NOL4: variants seen among roughly 807,000 people sequenced by gnomAD.
NOL4 encodes nucleolar protein 4, also known as cancer/testis antigen 125.
NOL4 carries 17 observed loss-of-function variants against 75.9 expected under a neutral mutation model. The observed-to-expected ratio is 0.22, with a 90% confidence interval of 0.15 to 0.34. The LOEUF (loss-of-function observed/expected upper bound fraction) is 0.34. Among genes scored for constraint, NOL4 ranks in the 10% least tolerant of loss-of-function variants. The probability of loss-of-function intolerance (pLI) is 1.00; values close to 1 mark genes in which losing one functional copy is unlikely to be tolerated. For synonymous variants in NOL4, 292 were observed against 289.9 expected (o/e 1.01, Z -0.07); for missense variants, 614 against 793.5 (o/e 0.77, Z 2.72).
chr18:34,008,351 A>G (rs1313547293), intron 6 of NOL4, among the ~76,000 whole-genome samples: 2 of 145,858 alleles, frequency 1.4e-5, no homozygotes, highest in Non-Finnish European at 3.0e-5. Flanking sequence ...CCTTCATAAC[A>G]TATCACTTTC....
chr18:34,110,723 G>A (rs1375985287), intron 2 of NOL4, among the ~76,000 whole-genome samples: 1 of 151,890 alleles, frequency 6.6e-6, no homozygotes, highest in Non-Finnish European at 1.5e-5. Flanking sequence ...ATCTAAACTT[G>A]AAAGAAAGAA....
At chr18:34,122,375 AG>A (rs1381869314) in intron 2 of NOL4, among the ~76,000 whole-genome samples, 1 of 152,084 alleles carries the variant, frequency 6.6e-6, no homozygotes, top group Non-Finnish European at 1.5e-5. Flanking sequence ...TGTTATCCAT[AG>A]GTCACTAAGG....
chr18:33,889,326 G>C (rs1431776162), intron 9 of NOL4, among the ~76,000 whole-genome samples: 1 of 152,084 alleles, frequency 6.6e-6, no homozygotes, highest in Non-Finnish European at 1.5e-5. Flanking sequence ...CCAGGAAGAA[G>C]TTGAATCTCT....
chr18:34,170,863 A>C (rs1468001554), intron 1 of NOL4, among the ~76,000 whole-genome samples: 1 of 152,182 alleles, frequency 6.6e-6, no homozygotes, highest in Non-Finnish European at 1.5e-5. Context: ...CCTATAATAG[A>C]CCAAGATGTT....
chr18:33,929,087 G>A (rs892805667), intron 9 of NOL4, among the ~76,000 whole-genome samples: 2 of 152,098 alleles, frequency 1.3e-5, no homozygotes, highest in Admixed American at 1.3e-4. Context: ...CCCATTGTCT[G>A]TTTGCTTCTG....
At chr18:33,904,823 G>A (rs1448079275) in intron 9 of NOL4, among the ~76,000 whole-genome samples, 1 of 152,126 alleles carries the variant, frequency 6.6e-6, no homozygotes, top group Non-Finnish European at 1.5e-5. Context: ...AGATTCTGTA[G>A]TTAACACCCA....
Position 34,195,922 on chromosome 18 carries a change from T to C in NOL4, c.264+27068A>G, listed in dbSNP as rs181406771. ...TCTCCCAGTAGATAAAGAATTCATT[T>C]TTCTGTTCTTCAGGGTAACCTTTCT... is the stretch of plus-strand genomic sequence containing the variant. On this transcript the variant is annotated intron_variant, in intron 1 of 10. Transcript: ENST00000261592. Among the ~76,000 whole-genome samples the C allele has an allele frequency of 7.2e-5, 11 of 152,260 alleles. No individual in the cohort carries two copies. In the East Asian group the frequency reaches 2.1e-3, roughly 29 times the overall value.
chr18:34,205,007 C>T (rs1193216979), intron 1 of NOL4, among the ~76,000 whole-genome samples: 1 of 152,036 alleles, frequency 6.6e-6, no homozygotes, highest in Non-Finnish European at 1.5e-5. Flanking sequence ...CTATGTGTAT[C>T]CTAGTCCTTT....
intron 9 of NOL4, among the ~76,000 whole-genome samples, chr18:33,938,984 T>C (rs2145516777): frequency 6.6e-6 from 1 of 152,270 alleles, no homozygotes; most frequent in South Asian, 2.1e-4. Flanking sequence ...CAGTTTCAGC[T>C]TTCTGAGTAT....
At chr18:33,972,649 G>A (rs187118459) in intron 6 of NOL4, among the ~76,000 whole-genome samples, 18 of 152,256 alleles carry the variant, frequency 1.2e-4, no homozygotes, top group Non-Finnish European at 2.4e-4. Flanking sequence ...TGCAGGTTGG[G>A]TTTTCAACCA....
intron 5 of NOL4, among the ~76,000 whole-genome samples, chr18:34,020,011 A>T (rs2144453139): frequency 6.6e-6 from 1 of 152,038 alleles, no homozygotes; most frequent in South Asian, 2.1e-4. Flanking sequence ...CTCTCTCACC[A>T]TGAGACAAAC....
At chr18:33,907,650 T>A (rs532436837) in intron 9 of NOL4, among the ~76,000 whole-genome samples, 1 of 152,272 alleles carries the variant, frequency 6.6e-6, no homozygotes, top group South Asian at 2.1e-4. Context: ...AATGTGGTGA[T>A]GTTGGAAGAT....
chr18:34,135,939 T>A (rs2080873162), intron 1 of NOL4, among the ~76,000 whole-genome samples: 1 of 152,070 alleles, frequency 6.6e-6, no homozygotes, highest in Middle Eastern at 3.4e-3. Context: ...AAATCCTCAA[T>A]AAAGTACTAG....
intron 6 of NOL4, among the ~76,000 whole-genome samples, chr18:33,982,607 T>G (rs1478759356): frequency 6.6e-6 from 1 of 152,102 alleles, no homozygotes; most frequent in Non-Finnish European, 1.5e-5. Flanking sequence ...AGTCTGTTAT[T>G]ATAGTTTGAG....
intron 5 of NOL4, among the ~76,000 whole-genome samples, chr18:34,033,073 C>A (rs1394760051): frequency 1.3e-5 from 2 of 152,016 alleles, no homozygotes; most frequent in African/African-American, 2.4e-5. Flanking sequence ...CTGATGAAAG[C>A]AAATTCAGAA....
At chr18:34,123,532 CATATATATATATATAT>C (rs34954122) in intron 2 of NOL4, among the ~76,000 whole-genome samples, 1 of 129,342 alleles carries the variant, frequency 7.7e-6, no homozygotes, top group South Asian at 2.6e-4. Flanking sequence ...ATGTGATAAC[CATATATATATATATAT>C]ATATATATAT....
intron 1 of NOL4, among the ~76,000 whole-genome samples, chr18:34,165,730 G>A (rs894762773): frequency 2.0e-5 from 3 of 151,954 alleles, no homozygotes; most frequent in African/African-American, 4.8e-5. Context: ...CCCCAAATAC[G>A]TAATTTTTAT....
At chr18:34,038,856 G>C (rs2144768444) in intron 5 of NOL4, among the ~76,000 whole-genome samples, 1 of 152,142 alleles carries the variant, frequency 6.6e-6, no homozygotes, top group East Asian at 1.9e-4. Context: ...ATCAGCAACA[G>C]TATACTGTAT....
At chr18:33,887,726 A>G (rs1189558320) in intron 9 of NOL4, among the ~76,000 whole-genome samples, 1 of 152,134 alleles carries the variant, frequency 6.6e-6, no homozygotes, top group Non-Finnish European at 1.5e-5. Flanking sequence ...AGCTTCATCC[A>G]TGTCCCTACA....
Sources: gnomAD v4.1 joint callset for allele counts (sites outside exome capture counted in the v4.1 genomes callset) on GRCh38, gnomAD v4.1.1 for gene constraint, MANE v1.5 for transcripts, NCBI Gene and HGNC (gene_info 2026-07-23, HGNC 2026-07-21) for gene names.